Variants in SLCO3A1 observed in about 807,000 individuals in gnomAD.
SLCO3A1 encodes PGE1 transporter.
SLCO3A1 carries 27 observed loss-of-function variants against 63.1 expected under a neutral mutation model. The observed-to-expected ratio is 0.43, with a 90% CI of 0.32 to 0.59. The LOEUF (loss-of-function observed/expected upper bound fraction) is 0.59. Among genes scored for constraint, SLCO3A1 ranks in the 20% least tolerant of loss-of-function variants. The pLI, the probability that SLCO3A1 is intolerant of heterozygous loss-of-function variation, is 0.09. For missense variants in SLCO3A1, 773 were observed against 945.8 expected (o/e 0.82, Z 2.40); for synonymous variants, 473 against 409.9 (o/e 1.15, Z -1.86).
intron 2 of SLCO3A1, among the ~76,000 whole-genome samples, chr15:92,040,290 T>G (rs1463994508): frequency 6.6e-6 from 1 of 152,198 alleles, no homozygotes; most frequent in Admixed American, 6.5e-5. Flanking sequence ...CACCTTAATC[T>G]TTTCAAGAAA....
intron 2 of SLCO3A1, among the ~76,000 whole-genome samples, chr15:92,088,324 T>C (rs2151530566): frequency 6.6e-6 from 1 of 152,356 alleles, no homozygotes; most frequent in Non-Finnish European, 1.5e-5. Flanking sequence ...TGGACTGTGC[T>C]GCAGTCAACA....
chr15:91,896,764 G>A (rs182942938), intron 1 of SLCO3A1, among the ~76,000 whole-genome samples: 1 of 152,220 alleles, frequency 6.6e-6, no homozygotes, highest in South Asian at 2.1e-4. Context: ...AGCAGTGTGA[G>A]AACAGACTAA....
At chr15:92,088,992 C>CTTTA (rs201055504) in intron 2 of SLCO3A1, among the ~76,000 whole-genome samples, 2,961 of 149,616 alleles carry the variant, frequency 0.02, 106 homozygotes, top group African/African-American at 0.069. Context: ...CTTACCCCAG[C>CTTTA]TTTATTTATT....
intron 7 of SLCO3A1, among the ~76,000 whole-genome samples, chr15:92,142,720 G>A (rs1027817408): frequency 2.6e-5 from 4 of 152,120 alleles, no homozygotes; most frequent in East Asian, 3.9e-4. Context: ...TAGCTCACCC[G>A]GATGGGGCTG....
rs4932514 is a variant in SLCO3A1 at position 91,897,526 on chromosome 15, A to C, written c.181-18467A>C. ...ACTAATGTCCTATCCTGGTTTTTAA[A>C]TTTCTTTGGATCAAAATAAAAAACT... On this transcript the variant is annotated intron_variant, in intron 1 of 9. Coordinates refer to ENST00000318445, the MANE Select transcript of SLCO3A1 (RefSeq NM_013272.4). This position sits in a 1 kb window ranked among gnomAD's most constrained non-coding sequence, Gnocchi z 4.7. 0.55 allele frequency among the ~76,000 whole-genome samples: 83,434 copies of C among 152,066 alleles called. 25,246 individuals carry two copies. The highest frequency in any genetic ancestry group is 0.84 in the East Asian group (4,352 of 5,164).
chr15:91,854,108 C>G lies in SLCO3A1; in HGVS notation c.180+20C>G, dbSNP rs1011205108. The stretch of plus-strand genomic sequence containing the variant: ...TACCTGGTGAGTCCCCGAGCCAACT[C>G]CGCCGCGGGCCCCTTCCCCAGCCCG... On this transcript the variant is annotated intron_variant, in intron 1 of 9. Transcript: ENST00000318445. The surrounding 1 kb of genome is among the most constrained non-coding windows in gnomAD (Gnocchi z 6.4). 4 of 1,461,208 alleles carry G rather than the reference C, an allele frequency of 2.7e-6. No homozygotes were observed. The Admixed American group carries it at 6.9e-5, about 25-fold the overall frequency. The allele number at this position is 1,461,208 out of a possible 1,614,324, so 90.5% of individuals were successfully genotyped here.
Position 92,164,617 on chromosome 15 carries a change from C to G in SLCO3A1, c.*1482C>G, listed in dbSNP as rs1191577598. 2 of 985,242 alleles carry G rather than the reference C, an allele frequency of 2.0e-6. No individual in the cohort carries two copies. Among genetic ancestry groups the G allele is most frequent in the Non-Finnish European group, 2.4e-6 (2 of 829,932 alleles). The allele number at this position is 985,242 out of a possible 1,614,324, so 61.0% of individuals were successfully genotyped here. On this transcript the variant is annotated 3_prime_UTR_variant, in exon 10 of 10. Coordinates refer to ENST00000318445, the MANE Select transcript of SLCO3A1 (RefSeq NM_013272.4). ...AGCTGTTAAGAAGTCTGTAGCATCT[C>G]TGATAACGAATAGACCCACAAGCTC...
chr15:92,030,295 A>G (rs967332561), intron 2 of SLCO3A1, among the ~76,000 whole-genome samples: 28 of 152,206 alleles, frequency 1.8e-4, no homozygotes, highest in African/African-American at 6.0e-4. Context: ...ATGAATACCA[A>G]GAGAAAAGAA....
At chr15:91,945,767 G>A (rs1220314207) in intron 2 of SLCO3A1, among the ~76,000 whole-genome samples, 2 of 152,210 alleles carry the variant, frequency 1.3e-5, no homozygotes, top group African/African-American at 2.4e-5. Flanking sequence ...TGGCTACTGT[G>A]CTAATGGGTC....
At chr15:92,160,974 A>G (rs1341673185) in intron 9 of SLCO3A1, among the ~76,000 whole-genome samples, 2 of 152,142 alleles carry the variant, frequency 1.3e-5, no homozygotes, top group Non-Finnish European at 2.9e-5. Context: ...GGGTAGGTGC[A>G]TTTTGCTGGG....
intron 2 of SLCO3A1, among the ~76,000 whole-genome samples, chr15:91,924,325 A>G (rs775663631): frequency 3.3e-5 from 5 of 152,114 alleles, no homozygotes; most frequent in Non-Finnish European, 5.9e-5. Flanking sequence ...GGAAATCCGT[A>G]TTTTTCAAGA....
chr15:92,103,733 G>T (rs1449940854), intron 3 of SLCO3A1, among the ~76,000 whole-genome samples: 1 of 151,846 alleles, frequency 6.6e-6, no homozygotes, highest in Non-Finnish European at 1.5e-5. Flanking sequence ...ACTGGCCTAG[G>T]GTCACACAGA....
intron 4 of SLCO3A1, among the ~76,000 whole-genome samples, chr15:92,107,352 G>A (rs960693454): frequency 9.9e-5 from 15 of 152,220 alleles, no homozygotes; most frequent in African/African-American, 1.9e-4. Flanking sequence ...ACACATGCCA[G>A]TGCATGAAGT....
At chr15:92,097,217 T>C (rs1305268706) in intron 3 of SLCO3A1, among the ~76,000 whole-genome samples, 3 of 152,204 alleles carry the variant, frequency 2.0e-5, no homozygotes, top group Non-Finnish European at 2.9e-5. Flanking sequence ...TCCAACTCTT[T>C]CATTTTACAA....
At position 92,162,946 on chromosome 15, in the gene SLCO3A1, G is replaced by A; in HGVS notation, c.1944G>A (p.Leu648=). Residue 648 remains leucine (L), a synonymous_variant, in exon 10 of 10, where the codon CTG becomes CTA. Transcript: ENST00000318445. ...TGTACACCACCACGTGGCAGTGCCT[G>A]AGGAAAAACTATAAACGCTACATCA... ...FILYTTTWQC[L]RKNYKRYIKN... 6.2e-7 allele frequency: 1 copy of A among 1,614,124 alleles called. No individual in the cohort carries two copies. Among genetic ancestry groups the A allele is most frequent in the Non-Finnish European group, 8.5e-7 (1 of 1,180,032 alleles).
At chr15:92,075,567 C>T (rs537579516) in intron 2 of SLCO3A1, among the ~76,000 whole-genome samples, 1 of 152,380 alleles carries the variant, frequency 6.6e-6, no homozygotes, top group African/African-American at 2.4e-5. Flanking sequence ...TGCTCCATAC[C>T]TTCCTCAGCC....
At chr15:92,064,710 T>A (rs575553914) in intron 2 of SLCO3A1, among the ~76,000 whole-genome samples, 3 of 152,352 alleles carry the variant, frequency 2.0e-5, no homozygotes, top group Admixed American at 2.0e-4. Flanking sequence ...AGGAATTAAA[T>A]TCTGTCATTT....
intron 2 of SLCO3A1, among the ~76,000 whole-genome samples, chr15:91,949,806 G>A (rs1899937091): frequency 6.6e-6 from 1 of 152,134 alleles, no homozygotes; most frequent in African/African-American, 2.4e-5. Flanking sequence ...AGACCAGCCT[G>A]AACAATATAG....
chr15:91,975,162 G>A (rs1901050952), intron 2 of SLCO3A1, among the ~76,000 whole-genome samples: 1 of 152,160 alleles, frequency 6.6e-6, no homozygotes, highest in Non-Finnish European at 1.5e-5. Flanking sequence ...TACCATTTAG[G>A]GAAGGCAGAG....
Sources: gnomAD v4.1 joint callset for allele counts (sites outside exome capture counted in the v4.1 genomes callset) on GRCh38, gnomAD v4.1.1 for gene constraint, Gnocchi (gnomAD v3.1) non-coding constraint, MANE v1.5 for transcripts, NCBI Gene and HGNC (gene_info 2026-07-23, HGNC 2026-07-21) for gene names.